Variants in BCL9 observed in about 807,000 individuals in gnomAD.
BCL9 encodes BCL9 transcription coactivator, also known as B-cell CLL/lymphoma 9 protein.
BCL9 carries 25 observed loss-of-function variants against 88.5 expected under a neutral mutation model. The observed-to-expected ratio is 0.28, with a 90% CI of 0.21 to 0.39. The LOEUF (loss-of-function observed/expected upper bound fraction) is 0.39, where lower values mean the gene tolerates loss of function less well. Among genes scored for constraint, BCL9 ranks in the 10% least tolerant of loss-of-function variants. The pLI is 1.00. For missense variants in BCL9, 1,817 were observed against 1,877.8 expected, an observed-to-expected ratio of 0.97 and a Z score of 0.60; for synonymous variants, 711 against 673.3, an observed-to-expected ratio of 1.06 and a Z score of -0.87.
chr1:147,618,278 A>T (rs1373157263), intron 7 of BCL9, among the ~76,000 whole-genome samples: 1 of 152,136 alleles, frequency 6.6e-6, no homozygotes, highest in Non-Finnish European at 1.5e-5. Context: ...CTGCCAGAGG[A>T]GACGTTGAAA....
chr1:147,581,469 T>A (rs1656367594), intron 1 of BCL9, among the ~76,000 whole-genome samples: 1 of 152,222 alleles, frequency 6.6e-6, no homozygotes, highest in Non-Finnish European at 1.5e-5. Flanking sequence ...GAAGTCATAC[T>A]TCTTCGATAA....
intron 1 of BCL9, among the ~76,000 whole-genome samples, chr1:147,578,838 T>C (rs1330504241): frequency 6.7e-6 from 1 of 150,292 alleles, no homozygotes; most frequent in Non-Finnish European, 1.5e-5. Flanking sequence ...GTACCCAGAC[T>C]TGGAGTCAGG....
At chr1:147,560,301 AAGGCCAGG>A (rs1276608962) in intron 1 of BCL9, among the ~76,000 whole-genome samples, 8 of 152,088 alleles carry the variant, frequency 5.3e-5, no homozygotes, top group Non-Finnish European at 1.0e-4. Context: ...AAAAAGGAAT[AAGGCCAGG>A]CCGGGCGCGG....
intron 1 of BCL9, among the ~76,000 whole-genome samples, chr1:147,563,930 G>A (rs1259636102): frequency 2.6e-5 from 4 of 152,220 alleles, no homozygotes; most frequent in African/African-American, 9.6e-5. Context: ...TTGAGACTCA[G>A]AAACGTTAAA....
At chr1:147,600,084 G>C (rs1657288095) in intron 1 of BCL9, 1 of 151,322 alleles carries the variant, frequency 6.6e-6, no homozygotes, top group African/African-American at 2.4e-5. Context: ...CGGTGCGGCG[G>C]GGGAGGGCCG....
intron 1 of BCL9, among the ~76,000 whole-genome samples, chr1:147,601,405 G>A (rs1461943300): frequency 6.6e-6 from 1 of 152,212 alleles, no homozygotes; most frequent in Non-Finnish European, 1.5e-5. Context: ...GGTCAATGAT[G>A]GGTATTGGAG....
At chr1:147,558,028 A>G (rs1487004417) in intron 1 of BCL9, among the ~76,000 whole-genome samples, 2 of 152,348 alleles carry the variant, frequency 1.3e-5, no homozygotes, top group East Asian at 1.9e-4. Flanking sequence ...AAGAAAAAAA[A>G]CATACCCAGT....
At position 147,619,702 on chromosome 1, in the gene BCL9, C is replaced by A. The variant is rs1368731894; in HGVS notation, c.1547C>A (p.Pro516His). 8.7e-6 allele frequency: 14 copies of A among 1,613,922 alleles called. No homozygotes were observed. Among genetic ancestry groups the A allele is most frequent in the Admixed American group, 1.7e-5 (1 of 60,000 alleles). Residue 516 changes from proline to histidine, a missense_variant, in exon 8 of 10, where the codon CCT becomes CAT. Around this residue, in one of 2 missense-constraint regions of BCL9, gnomAD observed 1,228 missense variants for 1,191.6 expected, o/e 1.03. Coordinates refer to ENST00000234739, the MANE Select transcript of BCL9 (RefSeq NM_004326.4). This position sits in a 1 kb window ranked among gnomAD's most constrained non-coding sequence, Gnocchi z 4.1. ...CGGGGAGTGGTCCGAGGACCCCCCC[C>A]TCCATACCAGATGACCCCTAGTGAA... The part of the protein sequence containing the change: ...GPRGVVRGPP[P>H]PYQMTPSEGW...
intron 8 of BCL9, 83 bp downstream of exon 8, chr1:147,621,140 T>G: frequency 7.1e-7 from 1 of 1,399,088 alleles, no homozygotes; most frequent in Non-Finnish European, 9.6e-7. Flanking sequence ...AACTGGTGTC[T>G]TGAGTACACA....
chr1:147,608,457 T>C (rs1657841180), intron 3 of BCL9, among the ~76,000 whole-genome samples: 1 of 149,334 alleles, frequency 6.7e-6, no homozygotes, highest in Admixed American at 6.8e-5. Context: ...CTGGAAGGGA[T>C]AGGCTTAGTC....
chr1:147,555,316 C>G (rs1371787388), intron 1 of BCL9, among the ~76,000 whole-genome samples: 1 of 152,150 alleles, frequency 6.6e-6, no homozygotes, highest in Non-Finnish European at 1.5e-5. Flanking sequence ...CCTTATTTCC[C>G]TAGGAACTCC....
Position 147,626,007 on chromosome 1 carries a change from T to G in BCL9, c.*1048T>G, listed in dbSNP as rs778508097. On this transcript the variant is annotated 3_prime_UTR_variant, in exon 10 of 10. Coordinates refer to ENST00000234739, the MANE Select transcript of BCL9 (RefSeq NM_004326.4). ...TTTTCTGTTCTCCTTTTATTAGGAA[T>G]TCCCAAGTGAATTTTATTAATGTGG... 16 of 228,722 alleles carry G rather than the reference T, an allele frequency of 7.0e-5. No individual in the cohort carries two copies. The highest frequency in any genetic ancestry group is 1.0e-4 in the Non-Finnish European group (12 of 114,958). The allele number at this position is 228,722 out of a possible 1,614,324, so 14.2% of individuals were successfully genotyped here.
chr1:147,546,390 T>C (rs1312859644), intron 1 of BCL9, among the ~76,000 whole-genome samples: 1 of 152,108 alleles, frequency 6.6e-6, no homozygotes, highest in Non-Finnish European at 1.5e-5. Context: ...CCCCCCCTTT[T>C]TTTAAAACAC....
At chr1:147,545,605 G>A (rs1291156932) in intron 1 of BCL9, among the ~76,000 whole-genome samples, 1 of 152,162 alleles carries the variant, frequency 6.6e-6, no homozygotes, top group Non-Finnish European at 1.5e-5. Context: ...AAAAATTCTA[G>A]AGTCTCTAGT....
chr1:147,571,079 A>G (rs1474334208), intron 1 of BCL9, among the ~76,000 whole-genome samples: 2 of 152,062 alleles, frequency 1.3e-5, no homozygotes, highest in Non-Finnish European at 2.9e-5. Context: ...AGAACATAGT[A>G]GGTCACACAC....
In BCL9 at chr1:147,614,474, C is replaced by T; in HGVS notation, c.418C>T (p.Pro140Ser). ...AAAGTCCCAGGATTCCCAGCACACACCACACTCGATGACCCCATCAAATGC... is the reference window on the plus strand; with the variant it reads ...AAAGTCCCAGGATTCCCAGCACACATCACACTCGATGACCCCATCAAATGC... Reference protein sequence around the residue: ...HIKSQDSQHTPHSMTPSNATA... With the variant: ...HIKSQDSQHTSHSMTPSNATA... The change falls in exon 6 of 10, where the codon CCA becomes TCA. Residue 140 changes from proline to serine, a missense_variant. Physicochemically the swap from Pro to Ser is moderately conservative, Grantham distance 74 (BLOSUM62 -1). Around this residue, in one of 2 missense-constraint regions of BCL9, gnomAD observed 1,228 missense variants for 1,191.6 expected, o/e 1.03. Transcript: ENST00000234739. The T allele has an allele frequency of 1.2e-6, 2 of 1,614,050 alleles. No individual in the cohort carries two copies. Among genetic ancestry groups the T allele is most frequent in the Non-Finnish European group, 1.7e-6 (2 of 1,179,996 alleles).
intron 5 of BCL9, among the ~76,000 whole-genome samples, chr1:147,613,954 C>T (rs1658138945): frequency 6.6e-6 from 1 of 152,138 alleles, no homozygotes. Flanking sequence ...TCCTCCCCTC[C>T]TCCCTCAAGT....
At position 147,624,439 on chromosome 1, in the gene BCL9, G is replaced by A. The variant is rs782430533; in HGVS notation, c.3761G>A (p.Arg1254Gln). Residue 1254 changes from arginine (R) to glutamine (Q), a missense_variant, in exon 10 of 10, where the codon CGA becomes CAA. Coordinates refer to ENST00000234739, the MANE Select transcript of BCL9 (RefSeq NM_004326.4). This position sits in a 1 kb window ranked among gnomAD's most constrained non-coding sequence, Gnocchi z 4.4. ...KPSQTLQYFP[R>Q]GEVPGRKQPQ... ...AGCCAGACGCTGCAATATTTCCCTC[G>A]AGGGGAAGTTCCAGGCCGTAAACAG... 1.5e-5 allele frequency: 24 copies of A among 1,614,062 alleles called. No homozygotes were observed. The highest frequency in any genetic ancestry group is 1.1e-4 in the East Asian group (5 of 44,886).
intron 8 of BCL9, 80 bp from the exon 9 acceptor site, chr1:147,622,191 A>G: frequency 1.3e-6 from 2 of 1,547,126 alleles, no homozygotes; most frequent in South Asian, 1.2e-5. Flanking sequence ...TGGCCTTGCT[A>G]GTTCATAATC....
Sources: gnomAD v4.1 joint callset for allele counts (sites outside exome capture counted in the v4.1 genomes callset) on GRCh38, gnomAD v4.1.1 for gene constraint, gnomAD v4.1.1 regional missense constraint, Gnocchi (gnomAD v3.1) non-coding constraint, MANE v1.5 for transcripts, NCBI Gene and HGNC (gene_info 2026-07-23, HGNC 2026-07-21) for gene names.